PLEKHA5: variants seen among roughly 807,000 people sequenced by gnomAD.
PLEKHA5 encodes the protein pleckstrin homology domain-containing family A member 5.
A neutral mutation model predicts 181.9 loss-of-function variants in PLEKHA5; 55 were observed. The ratio of observed to expected loss-of-function variants is 0.30; its 90% CI spans 0.24 to 0.38. The LOEUF (loss-of-function observed/expected upper bound fraction) is 0.38, where lower values mean the gene tolerates loss of function less well. Ranked by LOEUF, PLEKHA5 falls within the 10% of genes least tolerant of loss-of-function variation. PLEKHA5 has a pLI of 1.00. For synonymous variants in PLEKHA5, 535 were observed against 529.4 expected (o/e 1.01, Z -0.15); for missense variants, 1,432 against 1,549.5 (o/e 0.92, Z 1.27).
At chr12:19,205,009 G>C (rs2152104780) in intron 3 of PLEKHA5, among the ~76,000 whole-genome samples, 1 of 152,124 alleles carries the variant, frequency 6.6e-6, no homozygotes, top group Non-Finnish European at 1.5e-5. Flanking sequence ...TTCTTATGTT[G>C]ACATAGTTAA....
chr12:19,347,134 AAAG>A lies in PLEKHA5; in HGVS notation c.2855_2857del (p.Lys952del), dbSNP rs776593948. The A allele has an allele frequency of 7.1e-6, 11 of 1,550,372 alleles. No individual in the cohort carries two copies. The highest frequency in any genetic ancestry group is 3.9e-5 in the Admixed American group (2 of 50,904). On this transcript the variant is annotated inframe_deletion, in exon 24 of 32. Coordinates refer to ENST00000429027, the MANE Select transcript of PLEKHA5 (RefSeq NM_001256470.2). ...GGGGCCCAGTTCATCTGCCTGAAGAAAAGAAGATGTATCAAGTTCAAGGATATC... is the reference window on the plus strand; with the variant it reads ...GGGGCCCAGTTCATCTGCCTGAAGAAAAGATGTATCAAGTTCAAGGATATC...
intron 3 of PLEKHA5, among the ~76,000 whole-genome samples, chr12:19,184,189 A>C (rs2049280135): frequency 6.6e-6 from 1 of 152,178 alleles, no homozygotes. Flanking sequence ...AGATAAGAAG[A>C]AAGTAGTGAT....
chr12:19,327,176 A>G (rs2092250759), intron 20 of PLEKHA5, among the ~76,000 whole-genome samples: 1 of 151,762 alleles, frequency 6.6e-6, no homozygotes, highest in Non-Finnish European at 1.5e-5. Context: ...TAGTGGCTGA[A>G]CTAATTTATA....
intron 15 of PLEKHA5, among the ~76,000 whole-genome samples, chr12:19,292,759 C>T (rs575681840): frequency 4.6e-5 from 7 of 152,002 alleles, no homozygotes; most frequent in South Asian, 2.1e-4. Context: ...GCCAACGTGG[C>T]GAAACACCGT....
intron 15 of PLEKHA5, among the ~76,000 whole-genome samples, chr12:19,291,925 A>C (rs2078555260): frequency 6.6e-6 from 1 of 152,160 alleles, no homozygotes; most frequent in South Asian, 2.1e-4. Flanking sequence ...GGTCACCTGA[A>C]ATTGAGGGCC....
At chr12:19,316,853 A>G (rs1041435123) in intron 16 of PLEKHA5, among the ~76,000 whole-genome samples, 6 of 152,348 alleles carry the variant, frequency 3.9e-5, no homozygotes, top group East Asian at 1.9e-4. Flanking sequence ...GGGAAAATGT[A>G]CTGCTACAGT....
chr12:19,255,357 A>T (rs1025821318), intron 5 of PLEKHA5, among the ~76,000 whole-genome samples, 192 bp downstream of exon 5: 72 of 152,162 alleles, frequency 4.7e-4, no homozygotes, highest in Non-Finnish European at 8.8e-4. Flanking sequence ...TTAAATTTTT[A>T]AATTTGGAAT....
At chr12:19,148,208 C>G (rs193060556) in intron 3 of PLEKHA5, among the ~76,000 whole-genome samples, 57 of 152,282 alleles carry the variant, frequency 3.7e-4, no homozygotes, top group African/African-American at 1.1e-3. Context: ...AGGCACCTGC[C>G]ACCACGCCTG....
intron 18 of PLEKHA5, 136 bp from the exon 19 acceptor site, chr12:19,322,174 A>G: frequency 1.6e-6 from 1 of 608,220 alleles, no homozygotes; most frequent in South Asian, 2.2e-5. Context: ...CCTATTTTTT[A>G]AGGATTCTAT....
At chr12:19,212,835 G>T (rs1432169658) in intron 3 of PLEKHA5, among the ~76,000 whole-genome samples, 24 of 138,144 alleles carry the variant, frequency 1.7e-4, no homozygotes, top group African/African-American at 3.7e-4. Flanking sequence ...TTTTTTTGTT[G>T]TTTTTTTTTT....
intron 3 of PLEKHA5, among the ~76,000 whole-genome samples, chr12:19,216,395 G>T (rs577700459): frequency 1.9e-4 from 29 of 152,288 alleles, no homozygotes; most frequent in Middle Eastern, 3.4e-3. Flanking sequence ...GGGCACAGTG[G>T]CTCATGCCTG....
intron 23 of PLEKHA5, 74 bp from the exon 24 acceptor site, chr12:19,346,920 A>C: frequency 1.1e-6 from 1 of 919,174 alleles, no homozygotes; most frequent in Non-Finnish European, 1.6e-6. Context: ...AAGTTAATAT[A>C]CCATTGCAAA....
chr12:19,240,974 T>TTTATAAGTGCTTTTTCCATATA (rs2062464257), intron 3 of PLEKHA5, among the ~76,000 whole-genome samples: 1 of 152,164 alleles, frequency 6.6e-6, no homozygotes, highest in Non-Finnish European at 1.5e-5. Flanking sequence ...GTTATGTGGC[T>TTTATAAGTGCTTTTTCCATATA]TTATAAGTGC....
chr12:19,327,247 G>GTTTTTTTTTTTTTTTTTTTTTTTTTTT (rs55983306), intron 20 of PLEKHA5, among the ~76,000 whole-genome samples: 2 of 138,542 alleles, frequency 1.4e-5, no homozygotes, highest in Non-Finnish European at 1.5e-5. Context: ...ATCTGTTTTT[G>GTTTTTTTTTTTTTTTTTTTTTTTTTTT]TTTTTTTTTT....
At chr12:19,255,264 T>A in intron 5 of PLEKHA5, 99 bp downstream of exon 5, 1 of 653,554 alleles carries the variant, frequency 1.5e-6, no homozygotes, top group Non-Finnish European at 2.3e-6. Context: ...TAATTACATT[T>A]TTATTATTAC....
Position 19,139,214 on chromosome 12 carries a change from T to A in PLEKHA5, c.227+6764T>A, listed in dbSNP as rs556539227. On this transcript the variant is annotated intron_variant, in intron 3 of 31. Transcript: ENST00000429027. ...GGTCAAAAGCTCCTCAAAGCCTTTG[T>A]GTCTGAGTGTCTACAAGAATGATGA... is the stretch of plus-strand genomic sequence containing the variant. Among the ~76,000 whole-genome samples the A allele has an allele frequency of 3.9e-5, 6 of 152,304 alleles. No homozygotes were observed. In the South Asian group the frequency reaches 1.0e-3, roughly 26 times the overall value.
Position 19,203,975 on chromosome 12 carries a change from T to G in PLEKHA5, c.228-49965T>G, listed in dbSNP as rs544179864. 7.9e-5 allele frequency among the ~76,000 whole-genome samples: 12 copies of G among 152,164 alleles called. No homozygotes were observed. In the East Asian group the frequency reaches 2.1e-3, roughly 27 times the overall value. On this transcript the variant is annotated intron_variant, in intron 3 of 31. Transcript: ENST00000429027. ...ACCGCACCCCCATACATACAGTACT[T>G]AGAGACACAAAACATATGCGTATTG...
chr12:19,157,035 G>A (rs67604903), intron 3 of PLEKHA5, among the ~76,000 whole-genome samples: 13,446 of 151,182 alleles, frequency 0.089, 750 homozygotes, highest in Admixed American at 0.18. Flanking sequence ...GTAGCCTGGT[G>A]ACAGAGTGAG....
chr12:19,134,795 C>G (rs1443358544), intron 3 of PLEKHA5, among the ~76,000 whole-genome samples: 3 of 152,110 alleles, frequency 2.0e-5, no homozygotes, highest in African/African-American at 7.2e-5. Flanking sequence ...TTGGAACTTA[C>G]AGTTTGCAAA....
Sources: allele counts gnomAD v4.1 joint callset (sites outside exome capture counted in the v4.1 genomes callset), GRCh38; gene constraint gnomAD v4.1.1; transcripts MANE v1.5; gene names NCBI Gene and HGNC (gene_info 2026-07-23, HGNC 2026-07-21).